The following HSD11B1 variants were observed in gnomAD, a reference collection of about 807,000 sequenced individuals.
The protein encoded by HSD11B1 is hydroxysteroid 11-beta dehydrogenase 1.
In HSD11B1, 15 loss-of-function variants were observed where a neutral mutation model predicts 22.1. The ratio of observed to expected loss-of-function variants is 0.68; its 90% CI spans 0.45 to 1.04. The LOEUF (loss-of-function observed/expected upper bound fraction) is 1.04. Among genes scored for constraint, HSD11B1 ranks in the 50% least tolerant of loss-of-function variants. The probability of loss-of-function intolerance (pLI) is 0.00; values close to 1 mark genes in which losing one functional copy is unlikely to be tolerated. For missense variants in HSD11B1, 281 were observed against 357.6 expected (o/e 0.79, Z 1.73); for synonymous variants, 122 against 125.2 (o/e 0.97, Z 0.17).
chr1:209,697,784 A>C (rs190430322), intron 1 of HSD11B1, among the ~76,000 whole-genome samples: 25 of 151,792 alleles, frequency 1.6e-4, no homozygotes, highest in African/African-American at 5.8e-4. Flanking sequence ...CAGGTTCTTA[A>C]AGCCCACTGC....
chr1:209,692,614 G>T (rs1483825702), intron 1 of HSD11B1, among the ~76,000 whole-genome samples: 2 of 114,058 alleles, frequency 1.8e-5, no homozygotes, highest in Admixed American at 8.7e-5. Flanking sequence ...TGGCGGGGGG[G>T]GGGGTGGGGG....
At chr1:209,719,996 T>C (rs2076955541) in intron 4 of HSD11B1, among the ~76,000 whole-genome samples, 2 of 152,200 alleles carry the variant, frequency 1.3e-5, no homozygotes, top group African/African-American at 4.8e-5. Flanking sequence ...ATACCTAATG[T>C]AAATGATGAG....
chr1:209,732,755 C>G (rs1037668135), intron 5 of HSD11B1, among the ~76,000 whole-genome samples, 176 bp downstream of exon 5: 1 of 151,698 alleles, frequency 6.6e-6, no homozygotes, highest in Non-Finnish European at 1.5e-5. Flanking sequence ...CCCTTCCCCC[C>G]ACCCAACAGG....
intron 4 of HSD11B1, among the ~76,000 whole-genome samples, chr1:209,710,665 C>G: frequency 6.6e-6 from 1 of 152,054 alleles, no homozygotes; most frequent in Admixed American, 6.5e-5. Flanking sequence ...AGTAATCCTT[C>G]TGGATCAAGG....
At chr1:209,727,130 T>C (rs2077007342) in intron 4 of HSD11B1, among the ~76,000 whole-genome samples, 3 of 151,816 alleles carry the variant, frequency 2.0e-5, no homozygotes, top group Admixed American at 2.0e-4. Flanking sequence ...ATATGAAGAG[T>C]AAAAGACACA....
chr1:209,730,792 T>C (rs1039761677), intron 4 of HSD11B1, among the ~76,000 whole-genome samples: 8 of 152,172 alleles, frequency 5.3e-5, no homozygotes, highest in Admixed American at 4.6e-4. Flanking sequence ...TTGAAACATA[T>C]AGAAATTCCA....
At chr1:209,732,354 A>T in intron 4 of HSD11B1, 82 bp from the exon 5 acceptor site, 1 of 1,432,462 alleles carries the variant, frequency 7.0e-7, no homozygotes. Flanking sequence ...AGGACACCAT[A>T]GGAGTTACAA....
chr1:209,705,686 C>A, intron 1 of HSD11B1, 125 bp from the exon 2 acceptor site: 1 of 1,209,294 alleles, frequency 8.3e-7, no homozygotes. Flanking sequence ...GAGTTTGTGA[C>A]AAACTGATCT....
At chr1:209,688,101 T>C (rs922526935) in intron 1 of HSD11B1, among the ~76,000 whole-genome samples, 2 of 152,220 alleles carry the variant, frequency 1.3e-5, no homozygotes, top group African/African-American at 2.4e-5. Context: ...TGGAGAGACA[T>C]GGCTAGTTCA....
chr1:209,707,965 G>A (rs2076871247), intron 4 of HSD11B1, among the ~76,000 whole-genome samples: 1 of 152,062 alleles, frequency 6.6e-6, no homozygotes, highest in Admixed American at 6.6e-5. Flanking sequence ...TATAGTGGGT[G>A]TATTCTCTAA....
chr1:209,720,864 G>C (rs1466755109), intron 4 of HSD11B1, among the ~76,000 whole-genome samples: 1 of 152,170 alleles, frequency 6.6e-6, no homozygotes, highest in Non-Finnish European at 1.5e-5. Flanking sequence ...GCCTGAACCT[G>C]TGAATGCAAC....
At chr1:209,732,290 C>A (rs1397251392) in intron 4 of HSD11B1, 146 bp from the exon 5 acceptor site, 9 of 859,406 alleles carry the variant, frequency 1.0e-5, no homozygotes, top group Non-Finnish European at 1.7e-5. Context: ...AAATTCAACA[C>A]AGCAGTATAA....
chr1:209,688,496 C>T (rs1021793940), intron 1 of HSD11B1, among the ~76,000 whole-genome samples: 8 of 152,134 alleles, frequency 5.3e-5, no homozygotes, highest in Non-Finnish European at 7.4e-5. Flanking sequence ...GTATTCCCAG[C>T]GCCTAGCACA....
Position 209,719,019 on chromosome 1 carries a change from C to CAAAAAAAAA in HSD11B1, c.517+11900_517+11908dup, listed in dbSNP as rs56342028. ...TGGGTGACACAGTGAGACTCCATCT[C>CAAAAAAAAA]AAAAAAAAAAAAAAAAAGGAAAGAA... is the stretch of plus-strand genomic sequence containing the variant. On this transcript the variant is annotated intron_variant, in intron 4 of 5. Transcript: ENST00000367027. 3.9e-4 allele frequency among the ~76,000 whole-genome samples: 14 copies of CAAAAAAAAA among 35,704 alleles called. 1 individual carries two copies. Among genetic ancestry groups the CAAAAAAAAA allele is most frequent in the African/African-American group, 1.5e-3 (12 of 8,072 alleles). The allele number at this position is 35,704 out of a possible 152,430, so 23.4% of individuals were successfully genotyped here.
chr1:209,728,595 C>T (rs2077017468), intron 4 of HSD11B1, among the ~76,000 whole-genome samples: 1 of 152,130 alleles, frequency 6.6e-6, no homozygotes, highest in Non-Finnish European at 1.5e-5. Flanking sequence ...AAATTATTGA[C>T]ATAACTGGAA....
At chr1:209,691,550 A>C (rs12030418) in intron 1 of HSD11B1, among the ~76,000 whole-genome samples, 4,194 of 146,608 alleles carry the variant, frequency 0.029, 137 homozygotes, top group East Asian at 0.17. Flanking sequence ...TATTTATTTG[A>C]ATTTTATATC....
At chr1:209,717,515 G>C (rs371086057) in intron 4 of HSD11B1, among the ~76,000 whole-genome samples, 9 of 152,076 alleles carry the variant, frequency 5.9e-5, no homozygotes, top group African/African-American at 2.2e-4. Context: ...ACTAAAAATA[G>C]AACTATCATA....
chr1:209,714,131 C>T (rs1459390621), intron 4 of HSD11B1, among the ~76,000 whole-genome samples: 1 of 152,206 alleles, frequency 6.6e-6, no homozygotes, highest in Non-Finnish European at 1.5e-5. Flanking sequence ...AGGCAAGATA[C>T]CTGTTGTGCA....
chr1:209,729,083 G>A (rs1194527048), intron 4 of HSD11B1, among the ~76,000 whole-genome samples: 1 of 152,162 alleles, frequency 6.6e-6, no homozygotes, highest in Non-Finnish European at 1.5e-5. Context: ...TTTAGGCCAG[G>A]CATAGTGGCT....
Sources: gnomAD v4.1 joint callset for allele counts (sites outside exome capture counted in the v4.1 genomes callset) on GRCh38, gnomAD v4.1.1 for gene constraint, MANE v1.5 for transcripts, NCBI Gene and HGNC (gene_info 2026-07-23, HGNC 2026-07-21) for gene names.